PLCG2: variants seen among roughly 807,000 people sequenced by gnomAD.
PLCG2 encodes the protein 1-phosphatidylinositol 4,5-bisphosphate phosphodiesterase gamma-2.
PLCG2 carries 69 observed loss-of-function variants against 175.6 expected under a neutral mutation model. That is an observed-to-expected ratio of 0.39 (90% CI 0.32 to 0.48). PLCG2 has a LOEUF of 0.48. Among genes scored for constraint, PLCG2 ranks in the 20% least tolerant of loss-of-function variants. The pLI, the probability that PLCG2 is intolerant of heterozygous loss-of-function variation, is 0.91. For missense variants in PLCG2, 1,798 were observed against 1,650.9 expected, an observed-to-expected ratio of 1.09 and a Z score of -1.54; for synonymous variants, 827 against 624.0, an observed-to-expected ratio of 1.33 and a Z score of -4.85.
rs889488466 is a variant in PLCG2 at position 81,961,926 on chromosome 16, G to C, written c.*3928G>C. ...GCATAAAATGTTAAGATTGCTGATC[G>C]GATGTGAGGGCGATCTGGCTGCGAC... is the stretch of plus-strand genomic sequence containing the variant. On this transcript the variant is annotated 3_prime_UTR_variant, in exon 33 of 33. Coordinates refer to ENST00000564138, the MANE Select transcript of PLCG2 (RefSeq NM_002661.5). The C allele has an allele frequency of 5.0e-6, 1 of 198,326 alleles. No homozygotes were observed. The highest frequency in any genetic ancestry group is 2.3e-5 in the African/African-American group (1 of 43,320). 12.3% of individuals were successfully genotyped at this position (198,326 alleles called of 1,614,324 possible).
upstream of PLCG2, among the ~76,000 whole-genome samples, chr16:81,775,253 C>G (rs1250189373): frequency 6.6e-6 from 1 of 152,148 alleles, no homozygotes; most frequent in Non-Finnish European, 1.5e-5. Flanking sequence ...CTCTGCTTTC[C>G]TGGTCCTTGG....
rs1911647826 is a variant in PLCG2, at chr16:81,958,083, A to C, written c.*85A>C. 1.1e-6 allele frequency: 1 copy of C among 940,290 alleles called. No homozygotes were observed. Among genetic ancestry groups the C allele is most frequent in the South Asian group, 1.3e-5 (1 of 75,066 alleles). The allele number at this position is 940,290 out of a possible 1,614,324, so 58.2% of individuals were successfully genotyped here. A position where few individuals can be genotyped will look rare whatever the true frequency, so the allele number is the denominator to read the frequency against. Reference sequence around the variant, plus strand: ...GAACGTGCCCTATTCACACTCTGGGAAGACGCTAATCTGTGACATCTTTTC... The same window carrying C: ...GAACGTGCCCTATTCACACTCTGGGCAGACGCTAATCTGTGACATCTTTTC... On this transcript the variant is annotated 3_prime_UTR_variant, in exon 33 of 33. Coordinates refer to ENST00000564138, the MANE Select transcript of PLCG2 (RefSeq NM_002661.5).
chr16:81,816,864 G>A (rs146237620), intron 2 of PLCG2, among the ~76,000 whole-genome samples: 4 of 151,978 alleles, frequency 2.6e-5, no homozygotes, highest in African/African-American at 9.7e-5. Flanking sequence ...GTGCGGTTGC[G>A]CTGTTATCAT....
At chr16:81,917,227 CTT>C (rs57305207) in intron 19 of PLCG2, among the ~76,000 whole-genome samples, 125,656 of 141,834 alleles carry the variant, frequency 0.89, 55,898 homozygotes, top group East Asian at 0.97. Context: ...ACAGGCTTTC[CTT>C]TTTTTTTTTT....
At chr16:81,784,613 A>G (rs939655795) in intron 1 of PLCG2, among the ~76,000 whole-genome samples, 5 of 152,250 alleles carry the variant, frequency 3.3e-5, no homozygotes, top group East Asian at 3.8e-4. Context: ...AGGAGGAGAT[A>G]AGAAACAGAA....
At chr16:81,889,296 CG>C (rs1753004879) in intron 10 of PLCG2, 23 bp downstream of exon 10, 1 of 1,331,390 alleles carries the variant, frequency 7.5e-7, no homozygotes, top group African/African-American at 1.4e-5. Flanking sequence ...GGCTTGTTGT[CG>C]CTTGGGGGTG....
At chr16:81,951,165 G>GAGAC (rs890650914) in intron 31 of PLCG2, among the ~76,000 whole-genome samples, 10 of 149,252 alleles carry the variant, frequency 6.7e-5, no homozygotes, top group Non-Finnish European at 1.3e-4. Flanking sequence ...TGTGTGTGTG[G>GAGAC]AGACAGGGCC....
chr16:81,782,984 G>A (rs1346992060), intron 1 of PLCG2: 3 of 390,588 alleles, frequency 7.7e-6, no homozygotes, highest in Admixed American at 3.1e-5. Flanking sequence ...ACGCAGCATG[G>A]AAGTCTGGTG....
At chr16:81,886,466 G>A (rs1039992591) in intron 9 of PLCG2, among the ~76,000 whole-genome samples, 15 of 152,162 alleles carry the variant, frequency 9.9e-5, no homozygotes, top group Middle Eastern at 3.2e-3. Context: ...TTTACAACTC[G>A]ATTCTATATC....
intron 2 of PLCG2, among the ~76,000 whole-genome samples, chr16:81,837,779 T>C (rs538877456): frequency 6.5e-4 from 97 of 149,674 alleles, no homozygotes; most frequent in Non-Finnish European, 1.1e-3. Context: ...ATGTAAGAAA[T>C]GATACAGAGA....
chr16:81,927,238 G>C, intron 23 of PLCG2, 60 bp downstream of exon 23: 1 of 1,158,550 alleles, frequency 8.6e-7, no homozygotes, highest in Non-Finnish European at 1.3e-6. Flanking sequence ...CAGTTTTTCA[G>C]GGAGCTGTGC....
At chr16:81,768,572 T>C (rs2143103973) in intron 2 of PLCG2, among the ~76,000 whole-genome samples, 1 of 89,992 alleles carries the variant, frequency 1.1e-5, no homozygotes, top group East Asian at 3.5e-4. Flanking sequence ...TTTTTTTTTT[T>C]TTTTTTTCCC....
intron 2 of PLCG2, among the ~76,000 whole-genome samples, chr16:81,832,720 A>T (rs1010093866): frequency 1.6e-4 from 25 of 152,348 alleles, no homozygotes; most frequent in African/African-American, 5.8e-4. Flanking sequence ...TACCATTTTA[A>T]TTACACTTCT....
chr16:81,833,226 G>A (rs1263860431), intron 2 of PLCG2, among the ~76,000 whole-genome samples: 1 of 152,226 alleles, frequency 6.6e-6, no homozygotes, highest in African/African-American at 2.4e-5. Context: ...ACCCTTTAAA[G>A]AAGGAGTGCT....
chr16:81,793,457 G>C (rs915053403), intron 2 of PLCG2, among the ~76,000 whole-genome samples: 2 of 152,202 alleles, frequency 1.3e-5, no homozygotes, highest in African/African-American at 4.8e-5. Context: ...TGTGGGTCTG[G>C]AATTTTAGGG....
chr16:81,899,526 A>G (rs908601443), intron 13 of PLCG2, among the ~76,000 whole-genome samples: 1 of 152,190 alleles, frequency 6.6e-6, no homozygotes, highest in Non-Finnish European at 1.5e-5. Context: ...CATGCGATGC[A>G]CACGTGTTCA....
intron 20 of PLCG2, 149 bp from the exon 21 acceptor site, chr16:81,921,049 C>A: frequency 1.8e-6 from 1 of 565,626 alleles, no homozygotes. Context: ...CTTCCTGTGT[C>A]TACTCATGGG....
intron 17 of PLCG2, 63 bp downstream of exon 17, chr16:81,908,654 G>C (rs1252518429): frequency 1.1e-5 from 16 of 1,454,480 alleles, no homozygotes; most frequent in Non-Finnish European, 1.4e-5. Context: ...AGGCAGGGTG[G>C]CGAGTGGTTC....
At chr16:81,836,579 A>G (rs1905529460) in intron 2 of PLCG2, among the ~76,000 whole-genome samples, 1 of 152,172 alleles carries the variant, frequency 6.6e-6, no homozygotes, top group African/African-American at 2.4e-5. Flanking sequence ...CATCTCCAAC[A>G]AAAATACAAA....
Sources: allele counts gnomAD v4.1 joint callset (sites outside exome capture counted in the v4.1 genomes callset), GRCh38; gene constraint gnomAD v4.1.1; transcripts MANE v1.5; gene names NCBI Gene and HGNC (gene_info 2026-07-23, HGNC 2026-07-21).